The following MAPRE2 variants were observed in gnomAD, a reference collection of about 807,000 sequenced individuals.
MAPRE2 encodes the protein microtubule-associated protein RP/EB family member 2.
A neutral mutation model predicts 43.2 loss-of-function variants in MAPRE2; 13 were observed. That is an observed-to-expected ratio of 0.30 (90% confidence interval 0.20 to 0.48). The LOEUF is 0.48. MAPRE2 is among the 20% of genes least tolerant of loss of function. The pLI, the probability that MAPRE2 is intolerant of heterozygous loss-of-function variation, is 0.99. For missense variants in MAPRE2, 161 were observed against 400.2 expected, an observed-to-expected ratio of 0.40 and a Z score of 5.10; for synonymous variants, 135 against 148.8, an observed-to-expected ratio of 0.91 and a Z score of 0.68.
intron 1 of MAPRE2, among the ~76,000 whole-genome samples, chr18:34,985,743 T>TAC (rs1282213223): frequency 9.3e-5 from 12 of 128,484 alleles, no homozygotes; most frequent in Admixed American, 5.6e-4. Context: ...AAATATATAT[T>TAC]ATATATGTAA....
chr18:35,058,590 C>T (rs967623377), intron 1 of MAPRE2, among the ~76,000 whole-genome samples: 15 of 152,104 alleles, frequency 9.9e-5, no homozygotes, highest in African/African-American at 1.7e-4. Flanking sequence ...TAGAAATGCA[C>T]GATGTGATGA....
chr18:35,081,243 C>T (rs1286384862), intron 2 of MAPRE2, among the ~76,000 whole-genome samples: 1 of 151,998 alleles, frequency 6.6e-6, no homozygotes, highest in Non-Finnish European at 1.5e-5. Flanking sequence ...TTTATTTCTA[C>T]TGTGGTCATA....
intron 2 of MAPRE2, among the ~76,000 whole-genome samples, chr18:35,023,149 A>G (rs1603391021): frequency 6.6e-6 from 1 of 152,238 alleles, no homozygotes; most frequent in East Asian, 1.9e-4. Context: ...ATAATAGTTA[A>G]GAAAGATGTT....
intron 4 of MAPRE2, among the ~76,000 whole-genome samples, chr18:35,102,665 T>G (rs1380421842): frequency 1.3e-5 from 2 of 152,152 alleles, no homozygotes; most frequent in Non-Finnish European, 2.9e-5. Flanking sequence ...ACCCTATTTA[T>G]CCAGCTTTGT....
intron 2 of MAPRE2, among the ~76,000 whole-genome samples, chr18:35,032,808 G>GT (rs2097048465): frequency 6.6e-6 from 1 of 151,970 alleles, no homozygotes; most frequent in Admixed American, 6.6e-5. Context: ...TTGTTTGTTT[G>GT]TTTTTTATTT....
intron 1 of MAPRE2, among the ~76,000 whole-genome samples, chr18:35,050,947 A>G (rs185946148): frequency 3.3e-5 from 5 of 152,314 alleles, no homozygotes; most frequent in Admixed American, 1.3e-4. Flanking sequence ...CTTTGAATAT[A>G]TTATCCTCAG....
upstream of MAPRE2, among the ~76,000 whole-genome samples, chr18:35,037,599 T>A (rs2097051223): frequency 6.6e-6 from 1 of 152,182 alleles, no homozygotes; most frequent in Non-Finnish European, 1.5e-5. Context: ...TTATTTTAGA[T>A]ATGCCTGTGT....
At chr18:35,074,475 G>C (rs1294725274) in intron 2 of MAPRE2, among the ~76,000 whole-genome samples, 1 of 152,100 alleles carries the variant, frequency 6.6e-6, no homozygotes, top group East Asian at 1.9e-4. Flanking sequence ...GAAATGGGGA[G>C]GGAGGAGTAG....
At chr18:35,022,427 G>A (rs965142238) in intron 2 of MAPRE2, among the ~76,000 whole-genome samples, 1 of 151,906 alleles carries the variant, frequency 6.6e-6, no homozygotes, top group Non-Finnish European at 1.5e-5. Context: ...TGCTTCTTCT[G>A]TCAATAAAAA....
chr18:35,136,383 C>A (rs1203908456), intron 6 of MAPRE2, among the ~76,000 whole-genome samples: 1 of 152,168 alleles, frequency 6.6e-6, no homozygotes, highest in Non-Finnish European at 1.5e-5. Context: ...AAAGACCCAA[C>A]CCTACCTCAG....
intron 1 of MAPRE2, among the ~76,000 whole-genome samples, chr18:35,060,113 A>G (rs547607072): frequency 9.8e-5 from 15 of 152,312 alleles, no homozygotes; most frequent in Admixed American, 3.3e-4. Flanking sequence ...AGCAGCACCT[A>G]TGTCCTGAAA....
chr18:35,063,153 G>A (rs1906621736), intron 1 of MAPRE2, among the ~76,000 whole-genome samples: 2 of 152,086 alleles, frequency 1.3e-5, no homozygotes, highest in African/African-American at 4.8e-5. Context: ...GCCCAGGCCG[G>A]AGTGCAGTGG....
intron 3 of MAPRE2, among the ~76,000 whole-genome samples, chr18:35,098,722 A>G (rs1488359470): frequency 1.3e-5 from 2 of 152,140 alleles, no homozygotes; most frequent in Non-Finnish European, 2.9e-5. Context: ...TCATTTCTCT[A>G]TACATGCTTC....
intron 2 of MAPRE2, among the ~76,000 whole-genome samples, chr18:35,093,120 G>A (rs1908232929): frequency 7.0e-6 from 1 of 143,174 alleles, no homozygotes; most frequent in African/African-American, 2.6e-5. Flanking sequence ...ATTGAGGCAT[G>A]AGAATCACTT....
intron 4 of MAPRE2, among the ~76,000 whole-genome samples, chr18:35,120,098 AAGT>A (rs1909606387): frequency 6.6e-6 from 1 of 152,170 alleles, no homozygotes; most frequent in African/African-American, 2.4e-5. Flanking sequence ...ACCAGTCAGG[AAGT>A]AGTGGAGCTG....
At chr18:35,129,926 A>G (rs563251063) in intron 5 of MAPRE2, among the ~76,000 whole-genome samples, 2 of 152,372 alleles carry the variant, frequency 1.3e-5, no homozygotes, top group South Asian at 2.1e-4. Flanking sequence ...TTGCTTGCCA[A>G]TTGATCTTTC....
At chr18:34,978,369 G>T in intron 1 of MAPRE2, 1 of 766,682 alleles carries the variant, frequency 1.3e-6, no homozygotes, top group African/African-American at 1.7e-5. Context: ...GATTAGCATA[G>T]TATCGACCCT....
chr18:35,115,856 T>A (rs1325540375), intron 4 of MAPRE2, among the ~76,000 whole-genome samples: 1 of 152,206 alleles, frequency 6.6e-6, no homozygotes, highest in African/African-American at 2.4e-5. Flanking sequence ...CTTTTTCATA[T>A]AATTACTTCT....
intron 2 of MAPRE2, among the ~76,000 whole-genome samples, chr18:35,076,874 C>G (rs1907383545): frequency 1.3e-5 from 2 of 152,138 alleles, no homozygotes; most frequent in South Asian, 4.1e-4. Flanking sequence ...CTGCTTGGGT[C>G]TCTAACTGGG....
Sources: allele counts gnomAD v4.1 joint callset (sites outside exome capture counted in the v4.1 genomes callset), GRCh38; gene constraint gnomAD v4.1.1; transcripts MANE v1.5; gene names NCBI Gene and HGNC (gene_info 2026-07-23, HGNC 2026-07-21).